MYOM2: variants seen among roughly 807,000 people sequenced by gnomAD.
MYOM2 encodes the protein myomesin 2, also known as myomesin-2.
MYOM2 carries 254 observed loss-of-function variants against 187.6 expected under a neutral mutation model. The observed-to-expected ratio is 1.35, with a 90% CI of 1.22 to 1.50. The LOEUF (loss-of-function observed/expected upper bound fraction) is 1.50, where lower values mean the gene tolerates loss of function less well. MYOM2 is among the 40% of genes most tolerant of loss of function. The pLI, the probability that MYOM2 is intolerant of heterozygous loss-of-function variation, is 0.00. For synonymous variants in MYOM2, 981 were observed against 753.8 expected (o/e 1.30, Z -4.94); for missense variants, 2,796 against 1,924.0 (o/e 1.45, Z -8.48).
chr8:2,051,707 C>T (rs1818495088), intron 2 of MYOM2, among the ~76,000 whole-genome samples: 1 of 152,192 alleles, frequency 6.6e-6, no homozygotes, highest in African/African-American at 2.4e-5. Flanking sequence ...CTGGCTGGCT[C>T]TGAAGGGAGG....
chr8:2,080,854 G>C (rs1042980674), intron 13 of MYOM2, among the ~76,000 whole-genome samples: 5 of 143,634 alleles, frequency 3.5e-5, no homozygotes, highest in African/African-American at 5.9e-5. Context: ...TGTAGAATGA[G>C]GTTTGGTTCT....
intron 30 of MYOM2, among the ~76,000 whole-genome samples, chr8:2,123,936 G>C (rs1440405727): frequency 6.6e-6 from 1 of 152,238 alleles, no homozygotes; most frequent in African/African-American, 2.4e-5. Flanking sequence ...CTGAGGCAGT[G>C]ATTCAGTTGA....
chr8:2,045,561 A>G (rs186641939), intron 1 of MYOM2, among the ~76,000 whole-genome samples: 154 of 152,372 alleles, frequency 1.0e-3, no homozygotes, highest in African/African-American at 3.7e-3. Context: ...TGACTTATAA[A>G]GGTGTGAAAT....
At position 2,071,081 on chromosome 8, in the gene MYOM2, C is replaced by A. The variant is rs1031998092; in HGVS notation, c.794-1264C>A. ...CTCCCTGGCTCAAGGAATCCTTTTG[C>A]TTCAACCTCCCAAATAGCTGGGACT... On this transcript the variant is annotated intron_variant, in intron 8 of 36. Coordinates refer to ENST00000262113, the MANE Select transcript of MYOM2 (RefSeq NM_003970.4). Among the ~76,000 whole-genome samples the A allele has an allele frequency of 1.1e-4, 17 of 152,266 alleles. No individual in the cohort carries two copies. The South Asian group carries it at 3.5e-3, about 32-fold the overall frequency.
intron 6 of MYOM2, among the ~76,000 whole-genome samples, chr8:2,066,109 C>T (rs747317831): frequency 3.3e-5 from 5 of 152,334 alleles, no homozygotes; most frequent in East Asian, 1.9e-4. Flanking sequence ...CTGGTCATGA[C>T]GGTGACCTGC....
chr8:2,140,848 A>G lies in MYOM2; in HGVS notation c.3926A>G (p.Lys1309Arg), dbSNP rs768722773. 4 of 1,613,990 alleles carry G rather than the reference A, an allele frequency of 2.5e-6. No homozygotes were observed. The highest frequency in any genetic ancestry group is 1.1e-5 in the South Asian group (1 of 91,082). Residue 1309 changes from lysine (K) to arginine (R), a missense_variant, in exon 33 of 37, where the codon AAA (lysine) becomes AGA (arginine). Physicochemically the swap from Lys to Arg is conservative, Grantham distance 26 (BLOSUM62 2). Coordinates refer to ENST00000262113, the MANE Select transcript of MYOM2 (RefSeq NM_003970.4). ...TACACTTTTGAGATTTTCGATGGCA[A>G]AGACAACCATCAACGCTCCCTTGAC... The part of the protein sequence containing the change: ...GKYTFEIFDG[K>R]DNHQRSLDLS...
chr8:2,100,260 A>T (rs1334584938), intron 19 of MYOM2, among the ~76,000 whole-genome samples: 2 of 151,454 alleles, frequency 1.3e-5, no homozygotes, highest in Non-Finnish European at 2.9e-5. Flanking sequence ...TTTGGACCTT[A>T]GAAAACCAAC....
intron 17 of MYOM2, 103 bp from the exon 18 acceptor site, chr8:2,096,144 C>G (rs1585897134): frequency 1.8e-6 from 2 of 1,116,608 alleles, no homozygotes; most frequent in Non-Finnish European, 1.3e-6. Flanking sequence ...AGGCCCGTCT[C>G]CACGTTGCTT....
intron 8 of MYOM2, among the ~76,000 whole-genome samples, chr8:2,071,444 G>A (rs1171686780): frequency 1.3e-5 from 2 of 152,022 alleles, no homozygotes; most frequent in South Asian, 2.1e-4. Context: ...CCAGGCTGAC[G>A]CTTCTGGATC....
At chr8:2,059,670 A>G (rs899526522) in intron 6 of MYOM2, among the ~76,000 whole-genome samples, 24 of 152,104 alleles carry the variant, frequency 1.6e-4, no homozygotes, top group East Asian at 5.8e-4. Context: ...ACAATCATCT[A>G]TACATCCAGC....
chr8:2,108,832 T>A lies in MYOM2; in HGVS notation c.3043+2T>A. On this transcript the variant is annotated splice_donor_variant, in intron 24 of 36. Coordinates refer to ENST00000262113, the MANE Select transcript of MYOM2 (RefSeq NM_003970.4). LOFTEE classifies it high-confidence loss of function. Reference sequence around the variant, plus strand: ...TGAGCAATGAAATAAAGAACCCCAGTAAGTAAGCCTCCAGCCCTTCCCCTC... The same window carrying A: ...TGAGCAATGAAATAAAGAACCCCAGAAAGTAAGCCTCCAGCCCTTCCCCTC... 6.2e-7 allele frequency: 1 copy of A among 1,613,886 alleles called. No individual in the cohort carries two copies. Among genetic ancestry groups the A allele is most frequent in the Non-Finnish European group, 8.5e-7 (1 of 1,179,950 alleles).
intron 1 of MYOM2, among the ~76,000 whole-genome samples, chr8:2,046,745 TTTTTTC>T (rs1442671196): frequency 3.8e-5 from 3 of 78,668 alleles, no homozygotes; most frequent in Non-Finnish European, 1.0e-4. Context: ...TCTCTCTTTC[TTTTTTC>T]TTTTTTTTTT....
Position 2,100,965 on chromosome 8 carries a change from GT to G in MYOM2, c.2533del (p.Ser845LeufsTer28), listed in dbSNP as rs1393393801. The G allele has an allele frequency of 6.2e-7, 1 of 1,614,086 alleles. No homozygotes were observed. Among genetic ancestry groups the G allele is most frequent in the African/African-American group, 1.3e-5 (1 of 74,936 alleles). ...KAPVYSGSSP[V>X]SGYFVDFREE... ...CCCTGTGTACTCCGGCAGCAGCCCT[GT>G]TTCTGGATATTTCGTGGACTTCAGG... On this transcript the variant is annotated frameshift_variant, in exon 20 of 37. Transcript: ENST00000262113. LOFTEE classifies it high-confidence loss of function.
chr8:2,047,306 G>C (rs562415546), intron 1 of MYOM2, among the ~76,000 whole-genome samples: 1 of 152,160 alleles, frequency 6.6e-6, no homozygotes. Flanking sequence ...GGCTGGGTGA[G>C]GGACACTGGG....
intron 1 of MYOM2, among the ~76,000 whole-genome samples, chr8:2,049,280 G>A (rs898417325): frequency 6.6e-6 from 1 of 152,190 alleles, no homozygotes; most frequent in African/African-American, 2.4e-5. Flanking sequence ...TGGCCTTGGG[G>A]CAGGGGTAGC....
chr8:2,077,786 T>C (rs1212783630), intron 11 of MYOM2, among the ~76,000 whole-genome samples: 2 of 152,254 alleles, frequency 1.3e-5, no homozygotes, highest in African/African-American at 4.8e-5. Flanking sequence ...ACTTTGGGAA[T>C]GAGGGTGCAT....
At position 2,120,571 on chromosome 8, in the gene MYOM2, A is replaced by T. The variant is rs1797394181; in HGVS notation, c.3453+2619A>T. ...AACACACCCTAGATAGGTGCAGGTT[A>T]CTCCTAGAAATTTGTGTGATGAAAG... On this transcript the variant is annotated intron_variant, in intron 28 of 36. Transcript: ENST00000262113. 2.8e-5 allele frequency among the ~76,000 whole-genome samples: 4 copies of T among 142,564 alleles called. No individual in the cohort carries two copies. In the South Asian group the frequency reaches 9.0e-4, roughly 32 times the overall value. 93.5% of individuals were successfully genotyped at this position (142,564 alleles called of 152,430 possible). A position where few individuals can be genotyped will look rare whatever the true frequency, so the allele number is the denominator to read the frequency against.
At chr8:2,057,834 G>C (rs1006485382) in intron 5 of MYOM2, 54 bp downstream of exon 5, 1 of 1,582,780 alleles carries the variant, frequency 6.3e-7, no homozygotes. Context: ...TTTTCTTTCA[G>C]AAAGACCCCA....
intron 32 of MYOM2, among the ~76,000 whole-genome samples, chr8:2,137,027 T>A (rs1798099653): frequency 6.6e-6 from 1 of 151,996 alleles, no homozygotes; most frequent in Non-Finnish European, 1.5e-5. Context: ...TGGGGCTGTT[T>A]GCAATTTTAC....
Sources: allele counts gnomAD v4.1 joint callset (sites outside exome capture counted in the v4.1 genomes callset), GRCh38; gene constraint gnomAD v4.1.1; transcripts MANE v1.5; gene names NCBI Gene and HGNC (gene_info 2026-07-23, HGNC 2026-07-21).